The following MED13L variants were observed in gnomAD, a reference collection of about 807,000 sequenced individuals.
MED13L encodes mediator of RNA polymerase II transcription subunit 13-like.
A neutral mutation model predicts 220.9 loss-of-function variants in MED13L; 7 were observed. The ratio of observed to expected loss-of-function variants is 0.03; its 90% CI spans 0.02 to 0.06. The LOEUF (loss-of-function observed/expected upper bound fraction) is 0.06, where lower values mean the gene tolerates loss of function less well. Among genes scored for constraint, MED13L ranks in the 10% least tolerant of loss-of-function variants. The pLI, the probability that MED13L is intolerant of heterozygous loss-of-function variation, is 1.00. For synonymous variants in MED13L, 1,011 were observed against 1,015.2 expected, an observed-to-expected ratio of 1.00 and a Z score of 0.08; for missense variants, 1,965 against 2,760.5, an observed-to-expected ratio of 0.71 and a Z score of 6.46.
chr12:116,012,377 C>T (rs899958597), intron 9 of MED13L, among the ~76,000 whole-genome samples: 2 of 152,148 alleles, frequency 1.3e-5, no homozygotes, highest in African/African-American at 2.4e-5. Context: ...ATACCTGTCT[C>T]GATCAAAAAA....
chr12:116,208,391 C>G (rs537000837), intron 2 of MED13L, among the ~76,000 whole-genome samples: 1 of 150,466 alleles, frequency 6.6e-6, no homozygotes, highest in East Asian at 2.0e-4. Context: ...AGCAAAACTC[C>G]GTCTCAAAAC....
At chr12:116,049,658 T>C (rs143322804) in intron 4 of MED13L, among the ~76,000 whole-genome samples, 3 of 152,364 alleles carry the variant, frequency 2.0e-5, no homozygotes, top group South Asian at 2.1e-4. Context: ...TCTAACATTA[T>C]TGGTATTGAG....
chr12:115,977,089 G>A (rs1169010819), intron 23 of MED13L, among the ~76,000 whole-genome samples: 2 of 152,186 alleles, frequency 1.3e-5, no homozygotes, highest in Non-Finnish European at 2.9e-5. Flanking sequence ...GAAGGTCGAG[G>A]CTGCAGTGAC....
At position 116,164,823 on chromosome 12, in the gene MED13L, T is replaced by C. The variant is rs116613741; in HGVS notation, c.311-53311A>G. Among the ~76,000 whole-genome samples, 437 of 152,328 alleles carry C rather than the reference T, an allele frequency of 2.9e-3. 1 individual carries two copies. Among genetic ancestry groups the C allele is most frequent in the African/African-American group, 0.01 (419 of 41,574 alleles). Reference sequence around the variant, plus strand: ...GAATTTTAGCCTGAAATGTAGGCTATAGCAAATATACAATTCAAGAACCAC... The same window carrying C: ...GAATTTTAGCCTGAAATGTAGGCTACAGCAAATATACAATTCAAGAACCAC... On this transcript the variant is annotated intron_variant, in intron 2 of 30. Coordinates refer to ENST00000281928, the MANE Select transcript of MED13L (RefSeq NM_015335.5).
At position 116,019,433 on chromosome 12, in the gene MED13L, G is replaced by C. The variant is rs139145519; in HGVS notation, c.821-21C>G. 11 of 1,611,160 alleles carry C rather than the reference G, an allele frequency of 6.8e-6. No homozygotes were observed. In the African/African-American group the frequency reaches 1.5e-4, roughly 22 times the overall value. On this transcript the variant is annotated intron_variant, in intron 6 of 30. Transcript: ENST00000281928. ...ACCACCTATAAGCAAAGAGAACAAGGAAAGAATCAGGACTGAGAAAGAATT... is the reference window on the plus strand; with the variant it reads ...ACCACCTATAAGCAAAGAGAACAAGCAAAGAATCAGGACTGAGAAAGAATT...
intron 2 of MED13L, among the ~76,000 whole-genome samples, chr12:116,155,976 T>C (rs1878392268): frequency 6.6e-6 from 1 of 151,626 alleles, no homozygotes. Flanking sequence ...TATAAATTTA[T>C]ACTCTATTTT....
At chr12:116,180,038 T>C (rs1880401697) in intron 2 of MED13L, among the ~76,000 whole-genome samples, 1 of 152,230 alleles carries the variant, frequency 6.6e-6, no homozygotes, top group Admixed American at 6.5e-5. Flanking sequence ...TGACTTACTT[T>C]GTGGTGTTTC....
chr12:116,144,940 C>A (rs749873781), intron 2 of MED13L, among the ~76,000 whole-genome samples: 11 of 152,238 alleles, frequency 7.2e-5, no homozygotes, highest in African/African-American at 2.4e-4. Flanking sequence ...GGTTGCTCCA[C>A]TTAATTCATC....
intron 4 of MED13L, among the ~76,000 whole-genome samples, chr12:116,088,350 T>C (rs1871892202): frequency 6.6e-6 from 1 of 152,190 alleles, no homozygotes; most frequent in Admixed American, 6.5e-5. Flanking sequence ...CCCAAATCTC[T>C]GGCCAATTCC....
intron 4 of MED13L, among the ~76,000 whole-genome samples, chr12:116,076,577 C>T (rs1489000534): frequency 2.0e-5 from 3 of 152,062 alleles, no homozygotes; most frequent in Non-Finnish European, 4.4e-5. Flanking sequence ...ACAAAACGCA[C>T]TCACTAAAAA....
intron 4 of MED13L, among the ~76,000 whole-genome samples, chr12:116,064,041 T>A (rs1363415977): frequency 6.6e-6 from 1 of 151,980 alleles, no homozygotes; most frequent in Non-Finnish European, 1.5e-5. Flanking sequence ...AATAAAAAAA[T>A]TAGCCAGGTG....
Position 116,030,780 on chromosome 12 carries a change from T to C in MED13L, c.480-8179A>G, listed in dbSNP as rs1305875111. ...AAGAACACTATAAATACAGTAACTT[T>C]ATGCCGATAAATCTGATATATATGA... On this transcript the variant is annotated intron_variant, in intron 4 of 30. Transcript: ENST00000281928. 2.0e-5 allele frequency among the ~76,000 whole-genome samples: 3 copies of C among 152,154 alleles called. No homozygotes were observed. In the East Asian group the frequency reaches 5.8e-4, roughly 29 times the overall value.
At chr12:116,012,756 A>G in intron 9 of MED13L, 41 bp downstream of exon 9, 1 of 1,366,158 alleles carries the variant, frequency 7.3e-7, no homozygotes, top group Non-Finnish European at 1.0e-6. Context: ...AAGATGCGCC[A>G]TCATTCGATC....
chr12:116,199,549 G>C (rs1344585076), intron 2 of MED13L, among the ~76,000 whole-genome samples: 2 of 152,118 alleles, frequency 1.3e-5, no homozygotes, highest in African/African-American at 4.8e-5. Context: ...AAAATACTCT[G>C]ATCAAATGCC....
intron 1 of MED13L, among the ~76,000 whole-genome samples, chr12:116,264,802 C>G (rs1388636421): frequency 6.6e-6 from 1 of 152,156 alleles, no homozygotes; most frequent in Non-Finnish European, 1.5e-5. Flanking sequence ...CTCCCCCATT[C>G]CTGCTTGCTT....
chr12:116,142,312 A>C (rs916019230), intron 2 of MED13L, among the ~76,000 whole-genome samples: 34 of 152,188 alleles, frequency 2.2e-4, no homozygotes, highest in African/African-American at 7.5e-4. Context: ...AAATAGTAGC[A>C]CTCAAATACT....
chr12:116,195,580 T>C (rs1881569266), intron 2 of MED13L, among the ~76,000 whole-genome samples: 2 of 152,156 alleles, frequency 1.3e-5, no homozygotes, highest in Admixed American at 1.3e-4. Context: ...GCTTCCCAAG[T>C]AGCTGAGATT....
chr12:116,078,887 G>T (rs1209782319), intron 4 of MED13L, among the ~76,000 whole-genome samples: 1 of 152,078 alleles, frequency 6.6e-6, no homozygotes, highest in Non-Finnish European at 1.5e-5. Flanking sequence ...ATTTTAAAAA[G>T]AATATAAAAC....
rs1175397810 is a variant in MED13L at position 116,173,197 on chromosome 12, T to A, written c.311-61685A>T. Among the ~76,000 whole-genome samples, 6 of 151,858 alleles carry A rather than the reference T, an allele frequency of 4.0e-5. No individual in the cohort carries two copies. In the East Asian group the frequency reaches 1.2e-3, roughly 29 times the overall value. On this transcript the variant is annotated intron_variant, in intron 2 of 30. Transcript: ENST00000281928. ...TGGAAAAAAGACATAAAGTATAGGT[T>A]TAAGAATAAAATATTTTCAATCAAA... is the stretch of plus-strand genomic sequence containing the variant.
Sources: allele counts gnomAD v4.1 joint callset (sites outside exome capture counted in the v4.1 genomes callset), GRCh38; gene constraint gnomAD v4.1.1; transcripts MANE v1.5; gene names NCBI Gene and HGNC (gene_info 2026-07-23, HGNC 2026-07-21).